The following COL12A1 variants were observed in gnomAD, a reference collection of about 807,000 sequenced individuals.
COL12A1 encodes the protein collagen type XII alpha 1 chain.
In COL12A1, 114 loss-of-function variants were observed where a neutral mutation model predicts 349.7. That is an observed-to-expected ratio of 0.33 (90% confidence interval 0.28 to 0.38). The LOEUF is 0.38. Ranked by LOEUF, COL12A1 falls within the 10% of genes least tolerant of loss-of-function variation. The pLI is 1.00. For synonymous variants in COL12A1, 1,369 were observed against 1,329.0 expected (o/e 1.03, Z -0.66); for missense variants, 3,284 against 3,756.9 (o/e 0.87, Z 3.29).
At chr6:75,122,619 C>T (rs1765800401) in intron 43 of COL12A1, among the ~76,000 whole-genome samples, 1 of 152,150 alleles carries the variant, frequency 6.6e-6, no homozygotes, top group African/African-American at 2.4e-5. Context: ...CAATAATACA[C>T]TTTTAATTTT....
chr6:75,101,850 G>T, intron 57 of COL12A1, 149 bp downstream of exon 57: 1 of 1,008,548 alleles, frequency 9.9e-7, no homozygotes, highest in Non-Finnish European at 1.5e-6. Context: ...GCACCAACTT[G>T]AAGGTTAAGA....
intron 13 of COL12A1, 65 bp from the exon 14 acceptor site, chr6:75,165,844 C>A (rs6916546): frequency 8.9e-6 from 13 of 1,468,158 alleles, no homozygotes; most frequent in South Asian, 1.3e-5. Context: ...GTATTATATT[C>A]ATTGATCCTG....
intron 44 of COL12A1, among the ~76,000 whole-genome samples, chr6:75,119,929 A>C (rs1769271498): frequency 6.6e-6 from 1 of 152,172 alleles, no homozygotes; most frequent in South Asian, 2.1e-4. Context: ...CCTCATCACA[A>C]CCTCATTGAA....
At chr6:75,167,115 G>T (rs1036855423) in intron 13 of COL12A1, among the ~76,000 whole-genome samples, 1 of 152,076 alleles carries the variant, frequency 6.6e-6, no homozygotes, top group Non-Finnish European at 1.5e-5. Context: ...CCATTTGAAA[G>T]TCTTCTTTAG....
intron 12 of COL12A1, among the ~76,000 whole-genome samples, chr6:75,176,895 C>A (rs1175709005): frequency 6.6e-6 from 1 of 152,050 alleles, no homozygotes; most frequent in Non-Finnish European, 1.5e-5. Flanking sequence ...CACTTTTCCC[C>A]CAATGAAATC....
In COL12A1 at chr6:75,165,728, A is replaced by G. The variant is rs1768261723; in HGVS notation, c.2762T>C (p.Ile921Thr). Residue 921 changes from isoleucine to threonine, a missense_variant, in exon 14 of 66, where the codon ATT becomes ACT. This residue lies in a region of COL12A1 where 2,601 missense variants were observed against 2,824.8 expected (regional missense o/e 0.92). Coordinates refer to ENST00000322507, the MANE Select transcript of COL12A1 (RefSeq NM_004370.6). ...LVTKDITDTS[I>T]GAYWTSAPGM... Reference sequence around the variant, plus strand: ...TGGAGCAGATGTCCAATAAGCCCCAATTGATGTGTCAGTGATGTCTTTAGT... The same window carrying G: ...TGGAGCAGATGTCCAATAAGCCCCAGTTGATGTGTCAGTGATGTCTTTAGT... 6.2e-7 allele frequency: 1 copy of G among 1,613,992 alleles called. No individual in the cohort carries two copies. The highest frequency in any genetic ancestry group is 8.5e-7 in the Non-Finnish European group (1 of 1,179,892).
At position 75,116,048 on chromosome 6, in the gene COL12A1, A is replaced by G; in HGVS notation, c.7529T>C (p.Leu2510Pro). The change falls in exon 48 of 66, where the codon CTC (leucine) becomes CCC (proline). Residue 2510 changes from leucine to proline, a missense_variant. Around this residue, in one of 2 missense-constraint regions of COL12A1, gnomAD observed 683 missense variants for 932.1 expected, o/e 0.73. Coordinates refer to ENST00000322507, the MANE Select transcript of COL12A1 (RefSeq NM_004370.6). The part of the protein sequence containing the change: ...VCETATSSCP[L>P]IYLDGYTSPG... ...TGAGGTGTAGCCATCCAAATAAATGAGAGGACAACCTGCAATGTACAGTGT... is the reference window on the plus strand; with the variant it reads ...TGAGGTGTAGCCATCCAAATAAATGGGAGGACAACCTGCAATGTACAGTGT... 1 of 1,613,400 alleles carries G rather than the reference A, an allele frequency of 6.2e-7. No individual in the cohort carries two copies. The highest frequency in any genetic ancestry group is 8.5e-7 in the Non-Finnish European group (1 of 1,179,532).
chr6:75,179,510 T>C (rs1769151673), intron 11 of COL12A1, among the ~76,000 whole-genome samples: 1 of 150,052 alleles, frequency 6.7e-6, no homozygotes, highest in African/African-American at 2.5e-5. Context: ...GTTTATGTGA[T>C]GGACTTCAGG....
rs1174493948 is a variant in COL12A1, at chr6:75,182,112, G to GA, written c.1892-902dup. On this transcript the variant is annotated intron_variant, in intron 10 of 65. Transcript: ENST00000322507. ...CCCTGTCTCAAAAAAAAAAAAAAAA[G>GA]AAAAAAAAACAGTACATAGGAAAGC... Among the ~76,000 whole-genome samples the GA allele has an allele frequency of 7.8e-3, 1,031 of 132,670 alleles. 46 individuals are homozygous for GA. In the East Asian group the frequency reaches 0.13, roughly 17 times the overall value. 87.0% of individuals were successfully genotyped at this position (132,670 alleles called of 152,430 possible).
Position 75,192,310 on chromosome 6 carries a change from G to C in COL12A1, c.236C>G (p.Thr79Ser). The C allele has an allele frequency of 1.2e-6, 2 of 1,611,940 alleles. No individual in the cohort carries two copies. The highest frequency in any genetic ancestry group is 1.7e-6 in the Non-Finnish European group (2 of 1,178,716). Residue 79 changes from threonine to serine, a missense_variant, in exon 4 of 66, where the codon ACT becomes AGT. By Grantham distance (58) the Thr-to-Ser change is moderately conservative. This residue lies in a region of COL12A1 where 2,601 missense variants were observed against 2,824.8 expected (regional missense o/e 0.92). Coordinates refer to ENST00000322507, the MANE Select transcript of COL12A1 (RefSeq NM_004370.6). ...TTCAGGTACAAGTTCTGACAATAAA[G>C]TTTCAGTGGTACTAGCTGAAAGGGT... ...EFTLSASTTE[T>S]LLSELVPETE...
At position 75,133,402 on chromosome 6, in the gene COL12A1, G is replaced by A; in HGVS notation, c.5685C>T (p.Thr1895=). ...PEELVPIPGN[T]NYAILRNLQP... Reference sequence around the variant, plus strand: ...GCAGATTCCTAAGAATGGCATAATTGGTATTCCCGGGGATTGGTACCTAAA... The same window carrying A: ...GCAGATTCCTAAGAATGGCATAATTAGTATTCCCGGGGATTGGTACCTAAA... The change falls in exon 34 of 66, where the codon ACC becomes ACT. Residue 1895 remains threonine (T), a synonymous_variant. Transcript: ENST00000322507. 6.2e-7 allele frequency: 1 copy of A among 1,610,248 alleles called. No homozygotes were observed. Among genetic ancestry groups the A allele is most frequent in the Non-Finnish European group, 8.5e-7 (1 of 1,178,670 alleles).
chr6:75,156,278 T>A lies in COL12A1; in HGVS notation c.3229A>T (p.Arg1077Trp). 1 of 1,613,900 alleles carries A rather than the reference T, an allele frequency of 6.2e-7. No individual in the cohort carries two copies. Among genetic ancestry groups the A allele is most frequent in the Non-Finnish European group, 8.5e-7 (1 of 1,179,818 alleles). The change falls in exon 15 of 66, where the codon AGG becomes TGG. Residue 1077 changes from arginine (R) to tryptophan (W), a missense_variant. Transcript: ENST00000322507. ...ATACCTGTTGTTCCTGATCCTTGCC[T>A]AAGCTTTCCTTCTCCCATCTTGTAA... The part of the protein sequence containing the change: ...PIYKMGEGKL[R>W]QGSGTTASRF...
At chr6:75,087,266 CA>C in intron 65 of COL12A1, 1 of 300,320 alleles carries the variant, frequency 3.3e-6, no homozygotes, top group Non-Finnish European at 5.4e-6. Flanking sequence ...TCCCTGTTCC[CA>C]ATCTTGGGGA....
chr6:75,177,650 A>G lies in COL12A1; in HGVS notation c.2437+13T>C, dbSNP rs545025813. ...GTTTGGTTGTCACCATATGATAAGCATATTTCCTCTACCTTCTTCAGTGGC... is the reference window on the plus strand; with the variant it reads ...GTTTGGTTGTCACCATATGATAAGCGTATTTCCTCTACCTTCTTCAGTGGC... On this transcript the variant is annotated intron_variant, in intron 12 of 65. Coordinates refer to ENST00000322507, the MANE Select transcript of COL12A1 (RefSeq NM_004370.6). The G allele has an allele frequency of 1.0e-3, 1,646 of 1,614,112 alleles. 24 individuals carry two copies. The South Asian group carries it at 0.017, about 17-fold the overall frequency.
rs543795889 is a variant in COL12A1 at position 75,189,489 on chromosome 6, T to C, written c.658+63A>G. 185 of 1,580,650 alleles carry C rather than the reference T, an allele frequency of 1.2e-4. 1 individual carries two copies. The highest frequency in any genetic ancestry group is 2.2e-4 in the East Asian group (10 of 44,636). On this transcript the variant is annotated intron_variant, in intron 6 of 65. Transcript: ENST00000322507. ...TATTTAATATGTAATAGGCAATGCA[T>C]CATTTCTTTCTGAAACAGACATTTC...
chr6:75,153,004 T>C lies in COL12A1; in HGVS notation c.3566-522A>G, dbSNP rs142330789. On this transcript the variant is annotated intron_variant, in intron 17 of 65. Transcript: ENST00000322507. Reference sequence around the variant, plus strand: ...AGGTTTTTGTGAGCCAAAAATTATCTTTTCAAATAGCTAAGCTGTTAGGTA... The same window carrying C: ...AGGTTTTTGTGAGCCAAAAATTATCCTTTCAAATAGCTAAGCTGTTAGGTA... Among the ~76,000 whole-genome samples the C allele has an allele frequency of 7.6e-3, 1,159 of 152,252 alleles. 12 individuals carry two copies. The highest frequency in any genetic ancestry group is 0.027 in the African/African-American group (1,102 of 41,556).
intron 14 of COL12A1, 61 bp from the exon 15 acceptor site, chr6:75,156,584 C>A: frequency 1.3e-6 from 2 of 1,488,252 alleles, no homozygotes; most frequent in Non-Finnish European, 1.8e-6. Context: ...ATGTCCACCT[C>A]TTCATTTATG....
At chr6:75,180,022 G>T (rs1430751568) in intron 11 of COL12A1, among the ~76,000 whole-genome samples, 3 of 152,194 alleles carry the variant, frequency 2.0e-5, no homozygotes, top group African/African-American at 4.8e-5. Context: ...GAAGCAGGGC[G>T]CTATGCCACA....
chr6:75,095,867 C>T (rs1562101953), intron 59 of COL12A1, among the ~76,000 whole-genome samples: 2 of 152,050 alleles, frequency 1.3e-5, no homozygotes, highest in Non-Finnish European at 2.9e-5. Flanking sequence ...ACCAGACAAT[C>T]TTTCAAAACA....
Sources: gnomAD v4.1 joint callset for allele counts (sites outside exome capture counted in the v4.1 genomes callset) on GRCh38, gnomAD v4.1.1 for gene constraint, gnomAD v4.1.1 regional missense constraint, MANE v1.5 for transcripts, NCBI Gene and HGNC (gene_info 2026-07-23, HGNC 2026-07-21) for gene names.